ANKFN1: variants seen among roughly 807,000 people sequenced by gnomAD.
ANKFN1 encodes ankyrin repeat and fibronectin type III domain containing 1, also known as ankyrin repeat and fibronectin type-III domain-containing protein 1.
A neutral mutation model predicts 108.7 loss-of-function variants in ANKFN1; 74 were observed. The ratio of observed to expected loss-of-function variants is 0.68; its 90% confidence interval spans 0.56 to 0.83. The LOEUF is 0.83. Ranked by LOEUF, ANKFN1 falls within the 40% of genes least tolerant of loss-of-function variation. The pLI is 0.00. For synonymous variants in ANKFN1, 547 were observed against 516.2 expected, an observed-to-expected ratio of 1.06 and a Z score of -0.81; for missense variants, 1,505 against 1,382.3, an observed-to-expected ratio of 1.09 and a Z score of -1.41.
intron 1 of ANKFN1, among the ~76,000 whole-genome samples, chr17:56,208,409 C>T (rs1035365122): frequency 1.3e-5 from 2 of 152,192 alleles, no homozygotes; most frequent in African/African-American, 4.8e-5. Context: ...TTTTAGCAGG[C>T]AGTAACTTCA....
chr17:56,059,416 G>A (rs1456314223), intron 4 of ANKFN1, among the ~76,000 whole-genome samples: 1 of 152,168 alleles, frequency 6.6e-6, no homozygotes, highest in Non-Finnish European at 1.5e-5. Flanking sequence ...CTTTTGCTGT[G>A]CAGAAGCTGT....
chr17:56,213,368 A>G (rs1482441221), intron 2 of ANKFN1, among the ~76,000 whole-genome samples: 3 of 152,158 alleles, frequency 2.0e-5, no homozygotes, highest in Non-Finnish European at 4.4e-5. Context: ...TACCCCCTAT[A>G]GAAACATGGC....
chr17:56,439,570 A>G (rs1403783028), intron 8 of ANKFN1, among the ~76,000 whole-genome samples: 1 of 152,154 alleles, frequency 6.6e-6, no homozygotes, highest in Non-Finnish European at 1.5e-5. Flanking sequence ...AACATTAAAC[A>G]CCTTAGCCAC....
rs548952684 is a variant in ANKFN1 at position 56,137,468 on chromosome 17, T to A, written c.289-90449T>A. Among the ~76,000 whole-genome samples the A allele has an allele frequency of 1.9e-4, 29 of 152,306 alleles. No homozygotes were observed. In the South Asian group the frequency reaches 6.0e-3, roughly 32 times the overall value. ...CTCGTAGAAACTTCCAATCTACCCA[T>A]TTCAAGCCTTTCTTGCTTGACAGTG... On this transcript the variant is annotated intron_variant, in intron 4 of 12. Transcript: ENST00000635860.
intron 5 of ANKFN1, 30 bp downstream of exon 5, chr17:56,350,997 G>A: frequency 3.1e-6 from 5 of 1,601,018 alleles, no homozygotes; most frequent in Non-Finnish European, 4.3e-6. Flanking sequence ...TCTTGTGTCA[G>A]TTTGATTTAT....
intron 4 of ANKFN1, among the ~76,000 whole-genome samples, chr17:56,336,899 C>T (rs946636386): frequency 6.6e-6 from 1 of 152,122 alleles, no homozygotes; most frequent in African/African-American, 2.4e-5. Flanking sequence ...AAATGTGTCC[C>T]AGAGATTCTG....
rs16957062 is a variant in ANKFN1, at chr17:56,296,057, T to C, written c.54-30164T>C. Among the ~76,000 whole-genome samples, 836 of 151,868 alleles carry C rather than the reference T, an allele frequency of 5.5e-3. 3 individuals carry two copies. Among genetic ancestry groups the C allele is most frequent in the African/African-American group, 0.017 (697 of 41,116 alleles). On this transcript the variant is annotated intron_variant, in intron 3 of 20. Coordinates refer to ENST00000682825, the MANE Select transcript of ANKFN1 (RefSeq NM_001370326.1). ...GTATGGATGTATATGTACTAAATTA[T>C]GGATTTTTTAAATTCAGGTTTTTTT...
intron 4 of ANKFN1, among the ~76,000 whole-genome samples, chr17:56,127,383 C>T (rs1326537463): frequency 6.6e-6 from 1 of 152,040 alleles, no homozygotes; most frequent in African/African-American, 2.4e-5. Context: ...GCACGGTCTC[C>T]GCTCACTGCA....
intron 4 of ANKFN1, among the ~76,000 whole-genome samples, chr17:56,111,334 G>T (rs1167379813): frequency 6.6e-6 from 1 of 151,994 alleles, no homozygotes; most frequent in African/African-American, 2.4e-5. Context: ...TCTTTCCCAG[G>T]CACACATCAA....
intron 8 of ANKFN1, among the ~76,000 whole-genome samples, chr17:56,403,126 A>C: frequency 6.6e-6 from 1 of 152,102 alleles, no homozygotes; most frequent in East Asian, 1.9e-4. Context: ...AATATGGTCT[A>C]TCTTGGAGAA....
At chr17:56,300,091 G>A (rs947843682) in intron 3 of ANKFN1, among the ~76,000 whole-genome samples, 5 of 152,172 alleles carry the variant, frequency 3.3e-5, no homozygotes, top group African/African-American at 9.7e-5. Flanking sequence ...ATGGAGCTCC[G>A]TGTTTTCACC....
At chr17:56,123,824 TGA>T (rs1491006895) in intron 4 of ANKFN1, among the ~76,000 whole-genome samples, 1 of 135,940 alleles carries the variant, frequency 7.4e-6, no homozygotes, top group Non-Finnish European at 1.6e-5. Context: ...TGTGTGTGTG[TGA>T]CAGAGAGAGA....
chr17:56,181,209 TG>T (rs1911647738), intron 1 of ANKFN1, among the ~76,000 whole-genome samples: 1 of 152,224 alleles, frequency 6.6e-6, no homozygotes, highest in Non-Finnish European at 1.5e-5. Flanking sequence ...CTTGCATGAA[TG>T]CCTTTTTATC....
chr17:56,451,654 G>A (rs186569000), intron 11 of ANKFN1, among the ~76,000 whole-genome samples: 40 of 152,184 alleles, frequency 2.6e-4, no homozygotes, highest in African/African-American at 7.7e-4. Context: ...GCAAAGTCAG[G>A]ATAATATTAC....
upstream of ANKFN1, among the ~76,000 whole-genome samples, chr17:56,152,630 T>C (rs140031106): frequency 7.9e-5 from 12 of 152,200 alleles, no homozygotes; most frequent in Non-Finnish European, 1.6e-4. Context: ...GACAGGCAAG[T>C]TGCTGGAAAC....
intron 4 of ANKFN1, among the ~76,000 whole-genome samples, chr17:56,085,209 C>T (rs907979610): frequency 1.2e-4 from 16 of 132,264 alleles, no homozygotes; most frequent in Admixed American, 8.8e-4. Context: ...ATATATATAT[C>T]TCCACATCCT....
intron 8 of ANKFN1, among the ~76,000 whole-genome samples, chr17:56,400,645 G>T (rs1361652917): frequency 6.6e-6 from 1 of 152,062 alleles, no homozygotes; most frequent in African/African-American, 2.4e-5. Context: ...TTGGGTTCCT[G>T]GTCATGAAAT....
intron 4 of ANKFN1, among the ~76,000 whole-genome samples, chr17:56,055,568 T>TATATATAC (rs1555588773): frequency 6.2e-5 from 6 of 96,738 alleles, no homozygotes; most frequent in African/African-American, 3.3e-4. Flanking sequence ...TATATATACA[T>TATATATAC]ATATATATAT....
intron 8 of ANKFN1, among the ~76,000 whole-genome samples, chr17:56,431,693 T>C (rs958256444): frequency 6.6e-6 from 1 of 152,210 alleles, no homozygotes; most frequent in African/African-American, 2.4e-5. Flanking sequence ...ATGAGGTAAG[T>C]GAATAAAAGA....
Sources: gnomAD v4.1 joint callset for allele counts (sites outside exome capture counted in the v4.1 genomes callset) on GRCh38, gnomAD v4.1.1 for gene constraint, MANE v1.5 for transcripts, NCBI Gene and HGNC (gene_info 2026-07-23, HGNC 2026-07-21) for gene names.